Variants in IFFO2 observed in about 807,000 individuals in gnomAD.
The protein encoded by IFFO2 is intermediate filament family orphan 2.
A neutral mutation model predicts 53.5 loss-of-function variants in IFFO2; 19 were observed. The observed-to-expected ratio is 0.36, with a 90% CI of 0.25 to 0.52. The LOEUF (loss-of-function observed/expected upper bound fraction) is 0.52, where lower values mean the gene tolerates loss of function less well. Ranked by LOEUF, IFFO2 falls within the 20% of genes least tolerant of loss-of-function variation. IFFO2 has a pLI of 0.94. For missense variants in IFFO2, 570 were observed against 727.4 expected (o/e 0.78, Z 2.49); for synonymous variants, 303 against 313.6 (o/e 0.97, Z 0.36).
chr1:18,942,825 T>C (rs1936537061), intron 1 of IFFO2, among the ~76,000 whole-genome samples: 2 of 149,810 alleles, frequency 1.3e-5, no homozygotes, highest in South Asian at 4.3e-4. Flanking sequence ...CCTGATGTTT[T>C]ATTTTATATT....
Position 18,926,068 on chromosome 1 carries a change from G to A in IFFO2, c.666-4947C>T, listed in dbSNP as rs368487356. Among the ~76,000 whole-genome samples the A allele has an allele frequency of 5.8e-3, 598 of 103,744 alleles. 14 individuals are homozygous for A. The highest frequency in any genetic ancestry group is 9.3e-3 in the African/African-American group (232 of 25,020). The allele number at this position is 103,744 out of a possible 152,430, so 68.1% of individuals were successfully genotyped here. A position where few individuals can be genotyped will look rare whatever the true frequency, so the allele number is the denominator to read the frequency against. ...GGATGGATGGATTGGTTGGATGGAT[G>A]GATGGATGGATGGATGGATGGATGG... On this transcript the variant is annotated intron_variant, in intron 1 of 8. Coordinates refer to ENST00000455833, the MANE Select transcript of IFFO2 (RefSeq NM_001136265.2).
At position 18,918,412 on chromosome 1, in the gene IFFO2, A is replaced by G; in HGVS notation, c.913T>C (p.Cys305Arg). ...CRRIDITAKL[C>R]DVAQQRNSED... is the part of the protein sequence containing the mutation. ...GAGTTCCGCTGCTGTGCGACATCGC[A>G]CAGCTTGGCCGTGATATCGATTCGG... Residue 305 changes from cysteine (C) to arginine (R), a missense_variant, in exon 4 of 9, where the codon TGC becomes CGC. Cys to Arg is a radical substitution (Grantham distance 180, BLOSUM62 -3). Transcript: ENST00000455833. This position sits in a 1 kb window ranked among gnomAD's most constrained non-coding sequence, Gnocchi z 5.2. The G allele has an allele frequency of 6.4e-7, 1 of 1,556,916 alleles. No individual in the cohort carries two copies. Among genetic ancestry groups the G allele is most frequent in the Admixed American group, 1.9e-5 (1 of 51,662 alleles).
chr1:18,953,285 C>A (rs1206334682), intron 1 of IFFO2, among the ~76,000 whole-genome samples: 1 of 152,170 alleles, frequency 6.6e-6, no homozygotes, highest in Non-Finnish European at 1.5e-5. Flanking sequence ...CCTTTGAGAT[C>A]ATCTAGCCCA....
chr1:18,930,155 G>A (rs939157403), intron 1 of IFFO2, among the ~76,000 whole-genome samples: 4 of 152,186 alleles, frequency 2.6e-5, no homozygotes, highest in East Asian at 1.9e-4. Context: ...TCCCAGCTCC[G>A]AGGGGTTTTG....
chr1:18,923,828 A>T (rs991482512), intron 1 of IFFO2, among the ~76,000 whole-genome samples: 1 of 152,076 alleles, frequency 6.6e-6, no homozygotes, highest in African/African-American at 2.4e-5. Flanking sequence ...TGGGCTACAG[A>T]TGGCACTGAG....
chr1:18,926,214 C>T (rs566622059), intron 1 of IFFO2, among the ~76,000 whole-genome samples: 1 of 152,296 alleles, frequency 6.6e-6, no homozygotes, highest in African/African-American at 2.4e-5. Flanking sequence ...AACTCCTTTC[C>T]CCCAGAGCAT....
At chr1:18,955,566 A>G (rs1400797507) in intron 1 of IFFO2, 102 bp downstream of exon 1, 2 of 1,427,324 alleles carry the variant, frequency 1.4e-6, no homozygotes. Flanking sequence ...CCCACCTGCC[A>G]GTACCAGCTG....
rs1453717485 is a variant in IFFO2 at position 18,956,191 on chromosome 1, C to T, written c.142G>A (p.Asp48Asn). ...GPSPVTAALR[D>N]DLGSNIHLLK... ...AGGTGGATGTTGGAGCCCAGGTCGT[C>T]CCGCAGCGCCGCCGTCACCGGCGAC... Residue 48 changes from aspartate (D) to asparagine (N), a missense_variant, in exon 1 of 9, where the codon GAC becomes AAC. Asp to Asn is a conservative substitution (Grantham distance 23, BLOSUM62 1). Transcript: ENST00000455833. This position sits in a 1 kb window ranked among gnomAD's most constrained non-coding sequence, Gnocchi z 6.4. 8.3e-6 allele frequency: 12 copies of T among 1,442,860 alleles called. No homozygotes were observed. Among genetic ancestry groups the T allele is most frequent in the Middle Eastern group, 2.0e-4 (1 of 5,002 alleles). The allele number at this position is 1,442,860 out of a possible 1,614,324, so 89.4% of individuals were successfully genotyped here.
intron 1 of IFFO2, among the ~76,000 whole-genome samples, chr1:18,932,049 C>T (rs529940471): frequency 2.6e-5 from 4 of 152,318 alleles, no homozygotes; most frequent in South Asian, 2.1e-4. Flanking sequence ...GGGGCCGGCA[C>T]GTGGTGAGCA....
In IFFO2 at chr1:18,928,202, C is replaced by G. The variant is rs142235541; in HGVS notation, c.666-7081G>C. Among the ~76,000 whole-genome samples, 1,140 of 152,298 alleles carry G rather than the reference C, an allele frequency of 7.5e-3. 15 individuals carry two copies. Among genetic ancestry groups the G allele is most frequent in the African/African-American group, 0.026 (1,073 of 41,554 alleles). ...CTCCTGCCTGCCCCAAGCCCCACCC[C>G]CTGGGGACACCTGGCACCACCTCTT... On this transcript the variant is annotated intron_variant, in intron 1 of 8. Transcript: ENST00000455833. This position sits in a 1 kb window ranked among gnomAD's most constrained non-coding sequence, Gnocchi z 4.9.
chr1:18,912,731 C>G (rs1936059853), intron 5 of IFFO2, among the ~76,000 whole-genome samples: 1 of 151,818 alleles, frequency 6.6e-6, no homozygotes, highest in Non-Finnish European at 1.5e-5. Flanking sequence ...GTAAGCATAA[C>G]TATCGTTCCC....
rs548353375 is a variant in IFFO2 at position 18,918,718 on chromosome 1, G to A, written c.823-216C>T. Among the ~76,000 whole-genome samples the A allele has an allele frequency of 2.0e-5, 3 of 152,186 alleles. No individual in the cohort carries two copies. Among genetic ancestry groups the A allele is most frequent in the Admixed American group, 2.0e-4 (3 of 15,292 alleles). ...GGCCTTGGGAGTCAGGGGCCAGTGT[G>A]ACGCCGTGTGTGCTGCTCTCCCTAA... On this transcript the variant is annotated intron_variant, in intron 3 of 8. Transcript: ENST00000455833. This position sits in a 1 kb window ranked among gnomAD's most constrained non-coding sequence, Gnocchi z 5.2.
chr1:18,930,498 A>G (rs1363983385), intron 1 of IFFO2, among the ~76,000 whole-genome samples: 1 of 152,242 alleles, frequency 6.6e-6, no homozygotes, highest in African/African-American at 2.4e-5. Context: ...CTAATGCCAC[A>G]GAACCCCCGT....
In IFFO2 at chr1:18,956,261, G is replaced by T; in HGVS notation, c.72C>A (p.Gly24=). 1.1e-6 allele frequency: 1 copy of T among 947,758 alleles called. No individual in the cohort carries two copies. The highest frequency in any genetic ancestry group is 1.3e-6 in the Non-Finnish European group (1 of 769,134). 58.7% of individuals were successfully genotyped at this position (947,758 alleles called of 1,614,324 possible). A position where few individuals can be genotyped will look rare whatever the true frequency, so the allele number is the denominator to read the frequency against. The change falls in exon 1 of 9, where the codon GGC becomes GGA. Residue 24 remains glycine, a synonymous_variant. Coordinates refer to ENST00000455833, the MANE Select transcript of IFFO2 (RefSeq NM_001136265.2). The surrounding 1 kb of genome is among the most constrained non-coding windows in gnomAD (Gnocchi z 6.4). The part of the protein sequence containing the change: ...FGCPPGGGGG[G]CPGGGGGGGG... Reference sequence around the variant, plus strand: ...CGCCGCCGCCGCCCCCGCCAGGGCAGCCCCCGCCGCCGCCGCCCGGCGGGC... The same window carrying T: ...CGCCGCCGCCGCCCCCGCCAGGGCATCCCCCGCCGCCGCCGCCCGGCGGGC...
At chr1:18,927,299 G>A (rs1220444687) in intron 1 of IFFO2, among the ~76,000 whole-genome samples, 1 of 152,222 alleles carries the variant, frequency 6.6e-6, no homozygotes, top group Non-Finnish European at 1.5e-5. Context: ...CGCCTAGGCC[G>A]ACTCACTCAG....
At chr1:18,937,625 A>T (rs934185300) in intron 1 of IFFO2, among the ~76,000 whole-genome samples, 2 of 152,220 alleles carry the variant, frequency 1.3e-5, no homozygotes, top group African/African-American at 4.8e-5. Flanking sequence ...AGCCCCTCGG[A>T]GGGCATCTTT....
rs927355479 is a variant in IFFO2, at chr1:18,907,108, C to T, written c.*1453G>A. The T allele has an allele frequency of 2.0e-5, 3 of 152,202 alleles. No individual in the cohort carries two copies. Among genetic ancestry groups the T allele is most frequent in the Non-Finnish European group, 4.4e-5 (3 of 68,038 alleles). 9.4% of individuals were successfully genotyped at this position (152,202 alleles called of 1,614,324 possible). On this transcript the variant is annotated 3_prime_UTR_variant, in exon 9 of 9. Transcript: ENST00000455833. ...CTAGTCCTTGGGCACATTTTGCTAC[C>T]TTGACCACTAGAGGGAGCTCCTGGG... is the stretch of plus-strand genomic sequence containing the variant.
At chr1:18,945,746 C>T (rs529901548) in intron 1 of IFFO2, among the ~76,000 whole-genome samples, 17 of 152,372 alleles carry the variant, frequency 1.1e-4, no homozygotes, top group Admixed American at 4.6e-4. Context: ...AAACGCCATT[C>T]GATTCCTGCC....
intron 5 of IFFO2, among the ~76,000 whole-genome samples, chr1:18,913,981 G>GC (rs1557638824): frequency 6.6e-6 from 1 of 152,086 alleles, no homozygotes; most frequent in Non-Finnish European, 1.5e-5. Flanking sequence ...ACAGGCGCCC[G>GC]CCACCACGCC....
Sources: allele counts gnomAD v4.1 joint callset (sites outside exome capture counted in the v4.1 genomes callset), GRCh38; gene constraint gnomAD v4.1.1; non-coding constraint Gnocchi (gnomAD v3.1); transcripts MANE v1.5; gene names NCBI Gene and HGNC (gene_info 2026-07-23, HGNC 2026-07-21).